The following HEATR5A variants were observed in gnomAD, a reference collection of about 807,000 sequenced individuals.
HEATR5A encodes HEAT repeat-containing protein 5A.
HEATR5A carries 178 observed loss-of-function variants against 218.8 expected under a neutral mutation model. The ratio of observed to expected loss-of-function variants is 0.81; its 90% CI spans 0.72 to 0.92. The LOEUF is 0.92. HEATR5A is among the 40% of genes least tolerant of loss of function. HEATR5A has a pLI of 0.00. For synonymous variants in HEATR5A, 864 were observed against 871.6 expected (o/e 0.99, Z 0.15); for missense variants, 2,420 against 2,418.9 (o/e 1.00, Z -0.01).
chr14:31,375,352 A>G (rs1458466109), intron 11 of HEATR5A, among the ~76,000 whole-genome samples: 1 of 152,222 alleles, frequency 6.6e-6, no homozygotes, highest in East Asian at 1.9e-4. Flanking sequence ...GTAATGGACC[A>G]CATAAATGCA....
intron 14 of HEATR5A, among the ~76,000 whole-genome samples, chr14:31,363,074 T>C (rs975941103): frequency 6.6e-6 from 1 of 151,430 alleles, no homozygotes; most frequent in Non-Finnish European, 1.5e-5. Flanking sequence ...CCATCTCTAT[T>C]AAAAATACAA....
Position 31,293,439 on chromosome 14 carries a change from G to A in HEATR5A, c.6007C>T (p.Pro2003Ser), listed in dbSNP as rs754213378. 1 of 1,613,938 alleles carries A rather than the reference G, an allele frequency of 6.2e-7. No individual in the cohort carries two copies. The highest frequency in any genetic ancestry group is 8.5e-7 in the Non-Finnish European group (1 of 1,179,858). Residue 2003 changes from proline (P) to serine (S), a missense_variant, in exon 36 of 36, where the codon CCA becomes TCA. By Grantham distance (74) the Pro-to-Ser change is moderately conservative. Coordinates refer to ENST00000543095, the MANE Select transcript of HEATR5A (RefSeq NM_015473.4). ...GCCTCAAGGCGGGCTTTTAGGGCTG[G>A]AGAAGAAGCCACTAAACTTTTAAAA... Reference protein sequence around the residue: ...SVFKSLVASSPALKARLEAAI... With the variant: ...SVFKSLVASSSALKARLEAAI...
At chr14:31,386,274 T>G in intron 9 of HEATR5A, 146 bp downstream of exon 9, 1 of 634,176 alleles carries the variant, frequency 1.6e-6, no homozygotes, top group East Asian at 3.2e-5. Flanking sequence ...TATACATCTT[T>G]TTAATAATCC....
At chr14:31,407,700 C>T (rs1159334777) in intron 1 of HEATR5A, among the ~76,000 whole-genome samples, 2 of 128,752 alleles carry the variant, frequency 1.6e-5, no homozygotes, top group Non-Finnish European at 3.4e-5. Context: ...GCGATCTCGG[C>T]TCACTGCAAC....
intron 12 of HEATR5A, among the ~76,000 whole-genome samples, chr14:31,373,440 T>C (rs973478125): frequency 6.6e-6 from 1 of 151,928 alleles, no homozygotes; most frequent in Non-Finnish European, 1.5e-5. Flanking sequence ...ACGATTCTCC[T>C]GTCTTAGCCT....
rs1900191101 is a variant in HEATR5A, at chr14:31,324,173, C to T, written c.3548-369G>A. Among the ~76,000 whole-genome samples the T allele has an allele frequency of 7.2e-5, 11 of 152,182 alleles. No homozygotes were observed. The South Asian group carries it at 2.3e-3, about 32-fold the overall frequency. ...GATGTACTTAAGGAGACTCAAAATT[C>T]TCGGGTGTGGGTGGGATACATTGGG... On this transcript the variant is annotated intron_variant, in intron 23 of 35. Transcript: ENST00000543095.
intron 6 of HEATR5A, among the ~76,000 whole-genome samples, chr14:31,392,678 T>A (rs2030498299): frequency 6.6e-6 from 1 of 152,212 alleles, no homozygotes; most frequent in South Asian, 2.1e-4. Flanking sequence ...CGATGTCTAG[T>A]TAATGTTCCA....
At chr14:31,375,076 C>T in intron 11 of HEATR5A, 108 bp from the exon 12 acceptor site, 1 of 928,300 alleles carries the variant, frequency 1.1e-6, no homozygotes, top group Non-Finnish European at 1.6e-6. Context: ...TTCATTATTG[C>T]AACATTTTGT....
intron 1 of HEATR5A, among the ~76,000 whole-genome samples, chr14:31,405,114 A>T (rs2031013872): frequency 6.6e-6 from 1 of 151,876 alleles, no homozygotes; most frequent in Non-Finnish European, 1.5e-5. Context: ...TCATTTTCAA[A>T]AATGTCACTT....
At chr14:31,372,822 C>T (rs555095649) in intron 12 of HEATR5A, among the ~76,000 whole-genome samples, 17 of 152,064 alleles carry the variant, frequency 1.1e-4, no homozygotes, top group Middle Eastern at 3.4e-3. Flanking sequence ...AGTGAAACTC[C>T]GTCTCAAAAA....
At chr14:31,373,598 T>C (rs2139258864) in intron 12 of HEATR5A, among the ~76,000 whole-genome samples, 1 of 152,320 alleles carries the variant, frequency 6.6e-6, no homozygotes, top group South Asian at 2.1e-4. Flanking sequence ...CCCAAAGTGC[T>C]GAGATTACAA....
intron 12 of HEATR5A, 44 bp downstream of exon 12, chr14:31,374,772 A>T: frequency 6.4e-7 from 1 of 1,558,544 alleles, no homozygotes; most frequent in Non-Finnish European, 8.7e-7. Context: ...AAGGGTGGGT[A>T]AAAAGCCAAA....
chr14:31,323,443 TGA>T, intron 24 of HEATR5A, 120 bp downstream of exon 24: 1 of 680,354 alleles, frequency 1.5e-6, no homozygotes, highest in Non-Finnish European at 2.2e-6. Flanking sequence ...ATTACAGGTA[TGA>T]GCCACTGTGT....
Position 31,295,905 on chromosome 14 carries a change from T to C in HEATR5A, c.5619+4A>G, listed in dbSNP as rs1307615342. ...CATACATCTTTCTGCTAAAAGACAC[T>C]TACCACAGGATCTTTTATCTCAAGA... On this transcript the variant is annotated splice_donor_region_variant and intron_variant, in intron 34 of 35. Coordinates refer to ENST00000543095, the MANE Select transcript of HEATR5A (RefSeq NM_015473.4). The C allele has an allele frequency of 1.9e-6, 3 of 1,612,692 alleles. No homozygotes were observed. In the African/African-American group the frequency reaches 4.0e-5, roughly 22 times the overall value.
chr14:31,293,673 A>G, intron 35 of HEATR5A, 61 bp from the exon 36 acceptor site: 1 of 1,423,304 alleles, frequency 7.0e-7, no homozygotes. Context: ...AAAGCCTGCA[A>G]ATGCACTTGA....
intron 19 of HEATR5A, among the ~76,000 whole-genome samples, chr14:31,347,234 T>A (rs1405948533): frequency 3.3e-5 from 5 of 152,210 alleles, no homozygotes; most frequent in Admixed American, 1.3e-4. Context: ...ATTTTTGAGA[T>A]AGGGTCTGGC....
rs117425871 is a variant in HEATR5A at position 31,322,269 on chromosome 14, T to C, written c.3788-589A>G. Among the ~76,000 whole-genome samples, 70 of 152,302 alleles carry C rather than the reference T, an allele frequency of 4.6e-4. No homozygotes were observed. In the East Asian group the frequency reaches 7.7e-3, roughly 17 times the overall value. ...CCTGTGGAGAGATATAAGAAAATCA[T>C]TTAACAGAAGAAATCACGTCTTAGT... On this transcript the variant is annotated intron_variant, in intron 24 of 35. Transcript: ENST00000543095.
intron 10 of HEATR5A, among the ~76,000 whole-genome samples, chr14:31,382,101 G>A (rs2030014001): frequency 6.6e-6 from 1 of 152,186 alleles, no homozygotes; most frequent in Admixed American, 6.5e-5. Flanking sequence ...AGAACAAGTG[G>A]ATAATTCTCT....
At chr14:31,368,586 G>A (rs1901891767) in intron 13 of HEATR5A, among the ~76,000 whole-genome samples, 2 of 152,132 alleles carry the variant, frequency 1.3e-5, no homozygotes, top group Non-Finnish European at 2.9e-5. Flanking sequence ...AGGCTGGAGA[G>A]CAGTGGCGCA....
Sources: gnomAD v4.1 joint callset for allele counts (sites outside exome capture counted in the v4.1 genomes callset) on GRCh38, gnomAD v4.1.1 for gene constraint, MANE v1.5 for transcripts, NCBI Gene and HGNC (gene_info 2026-07-23, HGNC 2026-07-21) for gene names.